The following FHOD3 variants were observed in gnomAD, a reference collection of about 807,000 sequenced individuals.
FHOD3 encodes the protein formin homology 2 domain containing 3.
In FHOD3, 90 loss-of-function variants were observed where a neutral mutation model predicts 173.0. That is an observed-to-expected ratio of 0.52 (90% CI 0.44 to 0.62). The LOEUF is 0.62. FHOD3 is among the 20% of genes least tolerant of loss of function. FHOD3 has a pLI of 0.00. For synonymous variants in FHOD3, 828 were observed against 823.0 expected (o/e 1.01, Z -0.10); for missense variants, 1,945 against 2,034.7 (o/e 0.96, Z 0.85).
At chr18:36,730,436 T>C (rs1395565462) in intron 19 of FHOD3, among the ~76,000 whole-genome samples, 1 of 152,210 alleles carries the variant, frequency 6.6e-6, no homozygotes, top group Non-Finnish European at 1.5e-5. Flanking sequence ...TGTGTCTGAC[T>C]CTTGAAGTTC....
At chr18:36,500,193 G>T (rs895032407) in intron 3 of FHOD3, among the ~76,000 whole-genome samples, 9 of 152,250 alleles carry the variant, frequency 5.9e-5, no homozygotes, top group African/African-American at 2.2e-4. Flanking sequence ...GGGAAGTGAT[G>T]TCATCTAGTG....
At chr18:36,380,080 A>G (rs1051591694) in intron 3 of FHOD3, among the ~76,000 whole-genome samples, 3 of 152,196 alleles carry the variant, frequency 2.0e-5, no homozygotes, top group African/African-American at 7.2e-5. Flanking sequence ...AAAAAAACAT[A>G]TAGAAAGCAT....
chr18:36,495,381 A>C (rs967957203), intron 3 of FHOD3, among the ~76,000 whole-genome samples: 2 of 151,806 alleles, frequency 1.3e-5, no homozygotes, highest in African/African-American at 2.4e-5. Flanking sequence ...CTCCCCTGCA[A>C]CCTCCCCTGA....
chr18:36,590,499 T>G (rs1255785005), intron 6 of FHOD3, among the ~76,000 whole-genome samples: 1 of 152,244 alleles, frequency 6.6e-6, no homozygotes, highest in Non-Finnish European at 1.5e-5. Flanking sequence ...TAGTATGTCC[T>G]TGAAATTAGT....
chr18:36,603,695 G>A (rs569030243), intron 8 of FHOD3, among the ~76,000 whole-genome samples: 158 of 152,106 alleles, frequency 1.0e-3, no homozygotes, highest in African/African-American at 3.2e-3. Flanking sequence ...GTAGAGTCGG[G>A]GTTTAGCCAT....
intron 19 of FHOD3, among the ~76,000 whole-genome samples, chr18:36,728,962 C>T (rs2041212524): frequency 4.6e-5 from 7 of 152,216 alleles, no homozygotes; most frequent in Admixed American, 4.6e-4. Context: ...AGTCTCATCC[C>T]TGACAGTTTT....
At chr18:36,484,357 A>G (rs990449182) in intron 3 of FHOD3, among the ~76,000 whole-genome samples, 4 of 150,120 alleles carry the variant, frequency 2.7e-5, no homozygotes, top group Admixed American at 1.3e-4. Flanking sequence ...GTGGACTCCT[A>G]TGTCTCTCCC....
intron 24 of FHOD3, among the ~76,000 whole-genome samples, chr18:36,753,234 T>C (rs1226843464): frequency 6.6e-6 from 1 of 152,120 alleles, no homozygotes; most frequent in African/African-American, 2.4e-5. Context: ...CCCTGCAGGC[T>C]CTCAGTTCCT....
chr18:36,759,218 G>C (rs1445342796), intron 26 of FHOD3, 77 bp downstream of exon 26: 13 of 1,431,244 alleles, frequency 9.1e-6, no homozygotes, highest in African/African-American at 8.5e-5. Context: ...AACATAATCA[G>C]CATGAAGTGT....
At chr18:36,470,325 C>T (rs535565733) in intron 3 of FHOD3, among the ~76,000 whole-genome samples, 5 of 152,342 alleles carry the variant, frequency 3.3e-5, no homozygotes, top group South Asian at 4.1e-4. Context: ...GTCCTATAGT[C>T]TCCCTGGCCT....
chr18:36,577,296 G>GTATTTTATTT (rs61430389), intron 6 of FHOD3, among the ~76,000 whole-genome samples: 190 of 151,796 alleles, frequency 1.3e-3, no homozygotes, highest in African/African-American at 4.1e-3. Context: ...ACCAAACTAG[G>GTATTTTATTT]TATTTTATTT....
chr18:36,770,947 C>T (rs1261640028), intron 28 of FHOD3, among the ~76,000 whole-genome samples: 4 of 152,138 alleles, frequency 2.6e-5, no homozygotes, highest in African/African-American at 4.8e-5. Flanking sequence ...GGAAAACTAT[C>T]GTTCAGGGAG....
intron 5 of FHOD3, among the ~76,000 whole-genome samples, chr18:36,554,572 A>G (rs777221580): frequency 5.0e-4 from 76 of 152,276 alleles, no homozygotes; most frequent in South Asian, 8.3e-4. Context: ...ACCATGGCAC[A>G]TGTATACCTA....
intron 3 of FHOD3, among the ~76,000 whole-genome samples, chr18:36,402,133 G>A (rs1201295161): frequency 3.9e-5 from 6 of 152,148 alleles, no homozygotes; most frequent in Non-Finnish European, 5.9e-5. Flanking sequence ...TGGCCTTTGG[G>A]GCGGGCAAGG....
chr18:36,555,965 G>A (rs2057863335), intron 5 of FHOD3, among the ~76,000 whole-genome samples: 2 of 152,134 alleles, frequency 1.3e-5, no homozygotes, highest in African/African-American at 4.8e-5. Flanking sequence ...TAGGACTCAT[G>A]TAATCAGGTC....
chr18:36,366,188 TA>T (rs1163936170), intron 2 of FHOD3, among the ~76,000 whole-genome samples: 3 of 152,068 alleles, frequency 2.0e-5, no homozygotes, highest in African/African-American at 7.2e-5. Context: ...AAGCATCAAA[TA>T]GTAACAAATG....
intron 22 of FHOD3, among the ~76,000 whole-genome samples, chr18:36,743,815 C>T (rs1198641127): frequency 6.6e-6 from 1 of 152,184 alleles, no homozygotes; most frequent in Non-Finnish European, 1.5e-5. Context: ...GGACATGGCT[C>T]ATGGCTGTGG....
intron 1 of FHOD3, among the ~76,000 whole-genome samples, chr18:36,300,529 G>C (rs1205692780): frequency 6.6e-6 from 1 of 152,162 alleles, no homozygotes; most frequent in African/African-American, 2.4e-5. Flanking sequence ...ATCATACCAG[G>C]ACCCTGCCAC....
chr18:36,549,956 A>G (rs1352708696), intron 5 of FHOD3, among the ~76,000 whole-genome samples: 2 of 151,604 alleles, frequency 1.3e-5, no homozygotes, highest in South Asian at 2.1e-4. Context: ...ACTGTGATCT[A>G]TTTTGAGTTA....
Sources: gnomAD v4.1 joint callset for allele counts (sites outside exome capture counted in the v4.1 genomes callset) on GRCh38, gnomAD v4.1.1 for gene constraint, MANE v1.5 for transcripts, NCBI Gene and HGNC (gene_info 2026-07-23, HGNC 2026-07-21) for gene names.